Variants in RAD54B observed in about 807,000 individuals in gnomAD.
RAD54B encodes DNA repair and recombination protein RAD54B.
RAD54B carries 78 observed loss-of-function variants against 95.8 expected under a neutral mutation model. That is an observed-to-expected ratio of 0.81 (90% confidence interval 0.68 to 0.98). The LOEUF is 0.98. Ranked by LOEUF, RAD54B falls within the 50% of genes least tolerant of loss-of-function variation. The pLI is 0.00. For missense variants in RAD54B, 957 were observed against 1,056.6 expected, an observed-to-expected ratio of 0.91 and a Z score of 1.31; for synonymous variants, 328 against 354.9, an observed-to-expected ratio of 0.92 and a Z score of 0.85.
At chr8:94,413,375 A>T (rs980391634) in intron 3 of RAD54B, among the ~76,000 whole-genome samples, 14 of 152,244 alleles carry the variant, frequency 9.2e-5, no homozygotes, top group Admixed American at 9.2e-4. Context: ...TTGGAAGAGA[A>T]GCAAGAAATA....
chr8:94,372,615 T>C lies in RAD54B; in HGVS notation c.2516-228A>G, dbSNP rs537112954. On this transcript the variant is annotated intron_variant, in intron 14 of 14. Transcript: ENST00000336148. ...AAGAAACACAGGCATGGTCTCTGAC[T>C]TCAAGGACCTTACAGTCTAGTGGGA... Among the ~76,000 whole-genome samples, 85 of 152,322 alleles carry C rather than the reference T, an allele frequency of 5.6e-4. 3 individuals carry two copies. The South Asian group carries it at 0.016, about 29-fold the overall frequency.
At chr8:94,377,630 A>G (rs1308256263) in intron 14 of RAD54B, among the ~76,000 whole-genome samples, 3 of 149,710 alleles carry the variant, frequency 2.0e-5, no homozygotes, top group Admixed American at 6.7e-5. Flanking sequence ...TTTCCTAAAT[A>G]AGTTCAATTT....
At chr8:94,412,003 T>G in intron 3 of RAD54B, among the ~76,000 whole-genome samples, 1 of 152,132 alleles carries the variant, frequency 6.6e-6, no homozygotes, top group Non-Finnish European at 1.5e-5. Flanking sequence ...AAATTTCGGA[T>G]CCTTTGACCA....
chr8:94,430,788 C>G, intron 3 of RAD54B: 1 of 985,388 alleles, frequency 1.0e-6, no homozygotes, highest in African/African-American at 1.7e-5. Context: ...TGGTTTATCC[C>G]CGCATGTGAA....
At chr8:94,415,948 G>A (rs1355068175) in intron 3 of RAD54B, among the ~76,000 whole-genome samples, 1 of 151,920 alleles carries the variant, frequency 6.6e-6, no homozygotes, top group African/African-American at 2.4e-5. Context: ...CATTGTGGAA[G>A]TCAGTGTGGC....
At chr8:94,381,802 A>G (rs1253251974) in intron 11 of RAD54B, among the ~76,000 whole-genome samples, 3 of 152,308 alleles carry the variant, frequency 2.0e-5, no homozygotes, top group Non-Finnish European at 4.4e-5. Context: ...CAGGAATTCC[A>G]AAGAAAACAA....
At chr8:94,413,583 A>C (rs1357188312) in intron 3 of RAD54B, among the ~76,000 whole-genome samples, 1 of 152,214 alleles carries the variant, frequency 6.6e-6, no homozygotes, top group African/African-American at 2.4e-5. Context: ...GTAAAACCTA[A>C]AACAAAAAAT....
chr8:94,455,322 G>A (rs1010017528), intron 3 of RAD54B, among the ~76,000 whole-genome samples: 3 of 152,174 alleles, frequency 2.0e-5, no homozygotes, highest in Non-Finnish European at 4.4e-5. Context: ...CTCAACTAGA[G>A]AAAACTGTAA....
intron 6 of RAD54B, among the ~76,000 whole-genome samples, chr8:94,402,048 C>T (rs1005546193): frequency 3.9e-5 from 6 of 152,146 alleles, no homozygotes; most frequent in Non-Finnish European, 5.9e-5. Flanking sequence ...GGATACTTAA[C>T]CTTGAGAGTT....
intron 9 of RAD54B, among the ~76,000 whole-genome samples, chr8:94,392,425 C>T (rs1811044407): frequency 6.6e-6 from 1 of 151,888 alleles, no homozygotes; most frequent in Admixed American, 6.6e-5. Context: ...CTATATCTGG[C>T]GAATTTTTAT....
intron 3 of RAD54B, among the ~76,000 whole-genome samples, chr8:94,437,236 T>C (rs369423463): frequency 6.6e-6 from 1 of 152,210 alleles, no homozygotes; most frequent in African/African-American, 2.4e-5. Flanking sequence ...CACACATGTA[T>C]GCCTAGCTGA....
At position 94,390,560 on chromosome 8, in the gene RAD54B, TTATA is replaced by T. The variant is rs753290640; in HGVS notation, c.1809+1045_1809+1048del. ...ATCACTAAGTTTCTCCAGAATAAGA[TTATA>T]TATATATAGATTATATATAGAGATT... On this transcript the variant is annotated intron_variant, in intron 10 of 14. Coordinates refer to ENST00000336148, the MANE Select transcript of RAD54B (RefSeq NM_012415.3). Among the ~76,000 whole-genome samples, 14 of 147,882 alleles carry T rather than the reference TTATA, an allele frequency of 9.5e-5. No individual in the cohort carries two copies. In the East Asian group the frequency reaches 9.8e-4, roughly 10 times the overall value.
chr8:94,430,606 G>T, intron 3 of RAD54B: 1 of 605,360 alleles, frequency 1.7e-6, no homozygotes, highest in Non-Finnish European at 2.1e-6. Context: ...GATGCTGCTG[G>T]TCAGGACCCA....
intron 10 of RAD54B, among the ~76,000 whole-genome samples, chr8:94,390,181 T>A (rs927560965): frequency 1.3e-5 from 2 of 151,342 alleles, no homozygotes; most frequent in Admixed American, 6.6e-5. Context: ...CTCTATTTTT[T>A]AAAAAATAAA....
intron 3 of RAD54B, among the ~76,000 whole-genome samples, chr8:94,441,975 C>CA (rs758427055): frequency 2.3e-4 from 35 of 152,086 alleles, no homozygotes; most frequent in Middle Eastern, 3.4e-3. Context: ...AGTCAATAAA[C>CA]AAAGGCAAAA....
intron 3 of RAD54B, chr8:94,436,659 G>C: frequency 6.4e-7 from 1 of 1,550,406 alleles, no homozygotes; most frequent in Admixed American, 2.0e-5. Flanking sequence ...TTTTATAAAG[G>C]GTGCGTAGGC....
In RAD54B at chr8:94,407,712, A is replaced by G. The variant is rs1312379304; in HGVS notation, c.508T>C (p.Tyr170His). 1.9e-6 allele frequency: 3 copies of G among 1,609,406 alleles called. No individual in the cohort carries two copies. The African/African-American group carries it at 4.0e-5, about 22-fold the overall frequency. Residue 170 changes from tyrosine (Y) to histidine (H), a missense_variant, in exon 5 of 15, where the codon TAT becomes CAT. By Grantham distance (83) the Tyr-to-His change is moderately conservative. Transcript: ENST00000336148. ...ATCTTTTCAAGCTCTTTGAATTTAT[A>G]ACCAATGCCTTTAAGTTAAGAAAGA... ...EGKDIGRGIG[Y>H]KFKELEKIEE...
intron 10 of RAD54B, among the ~76,000 whole-genome samples, chr8:94,388,062 T>A (rs1366864718): frequency 6.6e-6 from 1 of 152,254 alleles, no homozygotes; most frequent in Non-Finnish European, 1.5e-5. Context: ...TTGTTTGCAC[T>A]GAGTTTTAAC....
chr8:94,434,184 G>GTT (rs1228201027), intron 3 of RAD54B, among the ~76,000 whole-genome samples: 2 of 151,840 alleles, frequency 1.3e-5, no homozygotes, highest in Non-Finnish European at 3.0e-5. Context: ...TGAAAATTAA[G>GTT]TTTTTAAAAC....
Sources: allele counts gnomAD v4.1 joint callset (sites outside exome capture counted in the v4.1 genomes callset), GRCh38; gene constraint gnomAD v4.1.1; transcripts MANE v1.5; gene names NCBI Gene and HGNC (gene_info 2026-07-23, HGNC 2026-07-21).